The following TEX9 variants were observed in gnomAD, a reference collection of about 807,000 sequenced individuals.
TEX9 encodes the protein testis-expressed protein 9.
TEX9 carries 74 observed loss-of-function variants against 59.6 expected under a neutral mutation model. The ratio of observed to expected loss-of-function variants is 1.24; its 90% CI spans 1.03 to 1.51. TEX9 has a LOEUF of 1.51. TEX9 is among the 40% of genes most tolerant of loss of function. The probability of loss-of-function intolerance (pLI) is 0.00; values close to 1 mark genes in which losing one functional copy is unlikely to be tolerated. For missense variants in TEX9, 522 were observed against 447.8 expected (o/e 1.17, Z -1.49); for synonymous variants, 186 against 152.2 (o/e 1.22, Z -1.64).
At chr15:56,388,777 A>AT (rs1374816613) in intron 5 of TEX9, among the ~76,000 whole-genome samples, 2 of 151,426 alleles carry the variant, frequency 1.3e-5, no homozygotes, top group East Asian at 1.9e-4. Flanking sequence ...ACTGAGGCTT[A>AT]TTTTTTTTTC....
intron 1 of TEX9, among the ~76,000 whole-genome samples, chr15:56,317,326 A>C (rs1028476714): frequency 1.3e-5 from 2 of 152,230 alleles, no homozygotes; most frequent in East Asian, 3.9e-4. Flanking sequence ...ATTGGCAAAC[A>C]ATTATTCATT....
chr15:56,249,994 A>G (rs1186568055), intron 1 of TEX9, among the ~76,000 whole-genome samples: 1 of 152,084 alleles, frequency 6.6e-6, no homozygotes, highest in African/African-American at 2.4e-5. Flanking sequence ...TCCATCTTCC[A>G]TTTTCTAGGC....
intron 9 of TEX9, among the ~76,000 whole-genome samples, chr15:56,402,723 A>T (rs758583119): frequency 1.3e-5 from 2 of 152,224 alleles, no homozygotes; most frequent in Non-Finnish European, 2.9e-5. Context: ...ACATTGATGC[A>T]AAAATCCTCA....
At chr15:56,267,210 G>C (rs1185373028) in intron 1 of TEX9, among the ~76,000 whole-genome samples, 1 of 152,090 alleles carries the variant, frequency 6.6e-6, no homozygotes, top group Non-Finnish European at 1.5e-5. Context: ...TAAGTTCTTT[G>C]TGGATTCTGG....
At chr15:56,339,395 A>AC (rs2046324516) in intron 1 of TEX9, among the ~76,000 whole-genome samples, 1 of 119,894 alleles carries the variant, frequency 8.3e-6, no homozygotes, top group Non-Finnish European at 1.8e-5. Flanking sequence ...AAAAAAAAAA[A>AC]AAAAAAAAAA....
At chr15:56,366,386 G>A (rs530026878) in intron 2 of TEX9, among the ~76,000 whole-genome samples, 2 of 152,122 alleles carry the variant, frequency 1.3e-5, no homozygotes, top group East Asian at 3.9e-4. Context: ...CAGCTTCACT[G>A]GCCTTTTAGT....
chr15:56,374,856 A>G (rs554614021), intron 3 of TEX9, among the ~76,000 whole-genome samples: 33 of 152,246 alleles, frequency 2.2e-4, no homozygotes, highest in African/African-American at 7.9e-4. Context: ...AGTTACATCC[A>G]TGTTGTTGCA....
At chr15:56,287,397 T>C (rs1197855447) in intron 1 of TEX9, among the ~76,000 whole-genome samples, 2 of 152,146 alleles carry the variant, frequency 1.3e-5, no homozygotes, top group Non-Finnish European at 2.9e-5. Flanking sequence ...AAAAATTATT[T>C]ATTTTAATAG....
chr15:56,446,990 A>T, downstream of TEX9: 1 of 1,322,376 alleles, frequency 7.6e-7, no homozygotes, highest in African/African-American at 1.4e-5. Flanking sequence ...ACCATAAGAG[A>T]ATGAAAACCT....
chr15:56,262,882 C>G (rs2044297936), intron 1 of TEX9, among the ~76,000 whole-genome samples: 1 of 152,166 alleles, frequency 6.6e-6, no homozygotes, highest in Non-Finnish European at 1.5e-5. Context: ...CACTTCTGGC[C>G]TTAAAGTTTA....
At chr15:56,274,049 T>C (rs1891781182) in intron 1 of TEX9, among the ~76,000 whole-genome samples, 1 of 152,194 alleles carries the variant, frequency 6.6e-6, no homozygotes, top group Admixed American at 6.5e-5. Context: ...ATTTGGTTTC[T>C]TTCTTTTCTC....
intron 1 of TEX9, among the ~76,000 whole-genome samples, chr15:56,314,182 CT>C (rs1452057631): frequency 2.6e-5 from 2 of 76,658 alleles, no homozygotes; most frequent in African/African-American, 8.8e-5. Context: ...TATTTCTTGC[CT>C]TCTGCTAGCT....
At chr15:56,443,985 T>A in intron 12 of TEX9, 1 of 713,254 alleles carries the variant, frequency 1.4e-6, no homozygotes, top group Admixed American at 3.3e-5. Context: ...ACATTTTGAA[T>A]GCTTACTGTG....
chr15:56,425,177 G>T (rs1200602259), intron 10 of TEX9, among the ~76,000 whole-genome samples: 1 of 151,970 alleles, frequency 6.6e-6, no homozygotes, highest in African/African-American at 2.4e-5. Flanking sequence ...TTTTCTCTTT[G>T]TCTGACACTC....
At chr15:56,287,347 A>G (rs1393814222) in intron 1 of TEX9, among the ~76,000 whole-genome samples, 2 of 152,144 alleles carry the variant, frequency 1.3e-5, no homozygotes, top group Non-Finnish European at 2.9e-5. Flanking sequence ...CAGAAGACAC[A>G]AGACTCCTGG....
chr15:56,269,391 C>T (rs1255765695), intron 1 of TEX9, among the ~76,000 whole-genome samples: 1 of 152,024 alleles, frequency 6.6e-6, no homozygotes, highest in African/African-American at 2.4e-5. Context: ...TCTTGCTTCT[C>T]TAGTTCTTTT....
chr15:56,373,095 T>C (rs2047264416), intron 2 of TEX9, among the ~76,000 whole-genome samples: 1 of 152,118 alleles, frequency 6.6e-6, no homozygotes, highest in South Asian at 2.1e-4. Context: ...AAGGTTAGAA[T>C]TTGCATTCTT....
intron 1 of TEX9, among the ~76,000 whole-genome samples, chr15:56,340,516 A>G (rs1244160433): frequency 6.6e-6 from 1 of 152,142 alleles, no homozygotes; most frequent in East Asian, 1.9e-4. Context: ...GCTTTTTTCA[A>G]GCTCCTAAAA....
intron 3 of TEX9, among the ~76,000 whole-genome samples, chr15:56,375,181 T>G (rs2047377232): frequency 6.6e-6 from 1 of 152,158 alleles, no homozygotes; most frequent in Non-Finnish European, 1.5e-5. Flanking sequence ...CAGCTGTTGT[T>G]TCCTGACTTT....
Sources: allele counts gnomAD v4.1 joint callset (sites outside exome capture counted in the v4.1 genomes callset), GRCh38; gene constraint gnomAD v4.1.1; transcripts MANE v1.5; gene names NCBI Gene and HGNC (gene_info 2026-07-23, HGNC 2026-07-21).